The following AK4 variants were observed in gnomAD, a reference collection of about 807,000 sequenced individuals.
The protein encoded by AK4 is adenylate kinase 4, also known as adenylate kinase 4, mitochondrial.
A neutral mutation model predicts 24.6 loss-of-function variants in AK4; 13 were observed. The ratio of observed to expected loss-of-function variants is 0.53; its 90% confidence interval spans 0.34 to 0.84. The LOEUF (loss-of-function observed/expected upper bound fraction) is 0.84. AK4 is among the 40% of genes least tolerant of loss of function. The pLI, the probability that AK4 is intolerant of heterozygous loss-of-function variation, is 0.01. For missense variants in AK4, 192 were observed against 288.2 expected, an observed-to-expected ratio of 0.67 and a Z score of 2.42; for synonymous variants, 88 against 107.0, an observed-to-expected ratio of 0.82 and a Z score of 1.10.
rs1652663925 is a variant in AK4, at chr1:65,232,053, A to G, written c.*5876A>G. ...TCTGTATATGCTATCCTAACTGTTAATTGTATTATTGATTATGTTGATTAT... is the reference window on the plus strand; with the variant it reads ...TCTGTATATGCTATCCTAACTGTTAGTTGTATTATTGATTATGTTGATTAT... On this transcript the variant is annotated 3_prime_UTR_variant, in exon 5 of 5. Transcript: ENST00000327299. 6.6e-6 allele frequency: 1 copy of G among 152,114 alleles called. No homozygotes were observed. Among genetic ancestry groups the G allele is most frequent in the Non-Finnish European group, 1.5e-5 (1 of 68,020 alleles). 9.4% of individuals were successfully genotyped at this position (152,114 alleles called of 1,614,324 possible). A position where few individuals can be genotyped will look rare whatever the true frequency, so the allele number is the denominator to read the frequency against.
chr1:65,207,667 C>T (rs76098848), intron 2 of AK4, among the ~76,000 whole-genome samples: 2,976 of 151,358 alleles, frequency 0.02, 48 homozygotes, highest in Non-Finnish European at 0.032. Context: ...TAGCGTAGTA[C>T]CTGATAGGTA....
At chr1:65,157,238 T>C (rs1278227842) in intron 1 of AK4, among the ~76,000 whole-genome samples, 3 of 152,212 alleles carry the variant, frequency 2.0e-5, no homozygotes, top group Non-Finnish European at 4.4e-5. Context: ...AAAGGTCTCA[T>C]GGACTCACAG....
chr1:65,162,885 T>TG (rs2100995637), intron 1 of AK4, among the ~76,000 whole-genome samples: 1 of 152,316 alleles, frequency 6.6e-6, no homozygotes, highest in East Asian at 1.9e-4. Context: ...TGGATAGTTG[T>TG]ATGTTAATAT....
chr1:65,153,872 G>C (rs770525985), intron 1 of AK4, among the ~76,000 whole-genome samples: 2 of 152,122 alleles, frequency 1.3e-5, no homozygotes, highest in Admixed American at 1.3e-4. Flanking sequence ...TTAGCATAGC[G>C]TGTCTGAGGA....
chr1:65,173,662 T>G (rs1035088408), intron 1 of AK4, among the ~76,000 whole-genome samples: 2 of 151,808 alleles, frequency 1.3e-5, no homozygotes, highest in Non-Finnish European at 2.9e-5. Context: ...TGCTCAGGAG[T>G]TCGAGCCTGG....
chr1:65,227,204 A>G lies in AK4; in HGVS notation c.*1027A>G, dbSNP rs998135519. 7.8e-6 allele frequency: 1 copy of G among 127,618 alleles called. No individual in the cohort carries two copies. The highest frequency in any genetic ancestry group is 1.6e-5 in the Non-Finnish European group (1 of 61,282). The allele number at this position is 127,618 out of a possible 1,614,324, so 7.9% of individuals were successfully genotyped here. On this transcript the variant is annotated 3_prime_UTR_variant, in exon 5 of 5. Coordinates refer to ENST00000327299, the MANE Select transcript of AK4 (RefSeq NM_013410.4). ...TAAGGTTTCTATTCGGGACAATAAA[A>G]TGTATTTTGAAAGTGCTGCTAACTA...
At chr1:65,207,775 A>T (rs1319218038) in intron 2 of AK4, among the ~76,000 whole-genome samples, 3 of 152,098 alleles carry the variant, frequency 2.0e-5, no homozygotes, top group Non-Finnish European at 2.9e-5. Flanking sequence ...GCTACCCCTT[A>T]TAAGTGAGAA....
intron 1 of AK4, among the ~76,000 whole-genome samples, chr1:65,157,740 G>A (rs1392048638): frequency 6.6e-6 from 1 of 152,040 alleles, no homozygotes; most frequent in Non-Finnish European, 1.5e-5. Context: ...AGTGATCTGT[G>A]ATCATGCCAC....
chr1:65,201,374 A>G (rs573734414), intron 2 of AK4, among the ~76,000 whole-genome samples: 94 of 152,304 alleles, frequency 6.2e-4, no homozygotes, highest in African/African-American at 2.2e-3. Context: ...GGTGAGGAAC[A>G]GTTGTACCAC....
chr1:65,197,470 G>C (rs926229788), intron 2 of AK4, among the ~76,000 whole-genome samples: 1 of 152,154 alleles, frequency 6.6e-6, no homozygotes, highest in Non-Finnish European at 1.5e-5. Flanking sequence ...CCTTTAGCAC[G>C]AGAGTCATCA....
Position 65,231,003 on chromosome 1 carries a change from C to A in AK4, c.*4826C>A, listed in dbSNP as rs1652627053. The A allele has an allele frequency of 6.6e-6, 1 of 152,086 alleles. No homozygotes were observed. Among genetic ancestry groups the A allele is most frequent in the Non-Finnish European group, 1.5e-5 (1 of 68,016 alleles). 9.4% of individuals were successfully genotyped at this position (152,086 alleles called of 1,614,324 possible). A position where few individuals can be genotyped will look rare whatever the true frequency, so the allele number is the denominator to read the frequency against. Reference sequence around the variant, plus strand: ...GTATGACTTGCTTTCTCAATATCTCCTTCAATTTTTAGTAACTCTTGGTCT... The same window carrying A: ...GTATGACTTGCTTTCTCAATATCTCATTCAATTTTTAGTAACTCTTGGTCT... On this transcript the variant is annotated 3_prime_UTR_variant, in exon 5 of 5. Transcript: ENST00000327299.
intron 4 of AK4, among the ~76,000 whole-genome samples, chr1:65,225,415 C>T (rs569042289): frequency 1.3e-4 from 20 of 152,268 alleles, no homozygotes; most frequent in Non-Finnish European, 2.8e-4. Context: ...TGGGCTGTTC[C>T]GGCCAGTTAT....
chr1:65,170,665 G>A (rs1428305952), intron 1 of AK4, among the ~76,000 whole-genome samples: 3 of 152,132 alleles, frequency 2.0e-5, no homozygotes, highest in African/African-American at 4.8e-5. Flanking sequence ...TCTAAGTGAC[G>A]GGAGCCAGGA....
intron 1 of AK4, among the ~76,000 whole-genome samples, chr1:65,186,955 G>C (rs1460128333): frequency 6.6e-6 from 1 of 152,150 alleles, no homozygotes; most frequent in Non-Finnish European, 1.5e-5. Context: ...ACCATACAAT[G>C]AAATGTTATT....
At chr1:65,169,495 T>A (rs1650441115) in intron 1 of AK4, among the ~76,000 whole-genome samples, 1 of 152,182 alleles carries the variant, frequency 6.6e-6, no homozygotes, top group Admixed American at 6.5e-5. Flanking sequence ...TTGTGTTTAC[T>A]CATTTGTAAA....
In AK4 at chr1:65,231,831, A is replaced by G. The variant is rs1199733307; in HGVS notation, c.*5654A>G. The G allele has an allele frequency of 6.6e-6, 1 of 152,186 alleles. No individual in the cohort carries two copies. 9.4% of individuals were successfully genotyped at this position (152,186 alleles called of 1,614,324 possible). A position where few individuals can be genotyped will look rare whatever the true frequency, so the allele number is the denominator to read the frequency against. ...TGAGTTACAATGGCATTTCACTGTGATCCCTCTCAAGCTCAGATCAGTTCT... is the reference window on the plus strand; with the variant it reads ...TGAGTTACAATGGCATTTCACTGTGGTCCCTCTCAAGCTCAGATCAGTTCT... On this transcript the variant is annotated 3_prime_UTR_variant, in exon 5 of 5. Coordinates refer to ENST00000327299, the MANE Select transcript of AK4 (RefSeq NM_013410.4).
chr1:65,194,465 G>A (rs768955609), intron 2 of AK4, among the ~76,000 whole-genome samples: 38 of 151,946 alleles, frequency 2.5e-4, no homozygotes, highest in Non-Finnish European at 4.4e-4. Flanking sequence ...GACCACTTGA[G>A]TAATTTCTTT....
chr1:65,219,063 T>C, intron 3 of AK4, 137 bp downstream of exon 3: 1 of 559,984 alleles, frequency 1.8e-6, no homozygotes, highest in Non-Finnish European at 2.9e-6. Context: ...TTTTAAATGT[T>C]CAAATGTAGT....
chr1:65,176,167 T>A (rs1012884915), intron 1 of AK4, among the ~76,000 whole-genome samples: 2 of 152,202 alleles, frequency 1.3e-5, no homozygotes, highest in African/African-American at 4.8e-5. Flanking sequence ...ATTGTCTGGA[T>A]ATCCTTTGTG....
Sources: allele counts gnomAD v4.1 joint callset (sites outside exome capture counted in the v4.1 genomes callset), GRCh38; gene constraint gnomAD v4.1.1; transcripts MANE v1.5; gene names NCBI Gene and HGNC (gene_info 2026-07-23, HGNC 2026-07-21).